Variants in NKAIN3 observed in about 807,000 individuals in gnomAD.
NKAIN3 encodes the protein sodium/potassium transporting ATPase interacting 3, also known as sodium/potassium-transporting ATPase subunit beta-1-interacting protein 3.
In NKAIN3, 25 loss-of-function variants were observed where a neutral mutation model predicts 30.2. The ratio of observed to expected loss-of-function variants is 0.83; its 90% confidence interval spans 0.60 to 1.16. The LOEUF is 1.16. NKAIN3 is among the 50% of genes most tolerant of loss of function. NKAIN3 has a pLI of 0.00. For missense variants in NKAIN3, 225 were observed against 254.1 expected, an observed-to-expected ratio of 0.89 and a Z score of 0.78; for synonymous variants, 91 against 89.6, an observed-to-expected ratio of 1.02 and a Z score of -0.09.
At chr8:62,333,486 T>A (rs1368718294) in intron 1 of NKAIN3, among the ~76,000 whole-genome samples, 1 of 152,114 alleles carries the variant, frequency 6.6e-6, no homozygotes, top group African/African-American at 2.4e-5. Context: ...TGAGGTTTAA[T>A]GTCAATTAAG....
At chr8:62,666,878 T>A (rs1813120740) in intron 3 of NKAIN3, among the ~76,000 whole-genome samples, 1 of 152,146 alleles carries the variant, frequency 6.6e-6, no homozygotes, top group South Asian at 2.1e-4. Flanking sequence ...TGATTGAATG[T>A]CATCACTGCC....
chr8:62,936,756 T>C (rs973525618), intron 5 of NKAIN3, among the ~76,000 whole-genome samples: 1 of 152,148 alleles, frequency 6.6e-6, no homozygotes, highest in Non-Finnish European at 1.5e-5. Flanking sequence ...CCCCATAAAA[T>C]TCTGTCCTAA....
At chr8:62,838,139 G>A (rs2130755327) in intron 4 of NKAIN3, among the ~76,000 whole-genome samples, 1 of 150,062 alleles carries the variant, frequency 6.7e-6, no homozygotes, top group African/African-American at 2.4e-5. Context: ...CTGTGTGTGT[G>A]TGTGTGTGTG....
intron 4 of NKAIN3, among the ~76,000 whole-genome samples, chr8:62,750,595 G>A (rs934431562): frequency 6.6e-6 from 1 of 152,082 alleles, no homozygotes; most frequent in East Asian, 1.9e-4. Flanking sequence ...GGGAGGCGGC[G>A]GGGGGTGCCA....
intron 1 of NKAIN3, among the ~76,000 whole-genome samples, chr8:62,426,323 A>G (rs1306553835): frequency 1.3e-5 from 2 of 151,996 alleles, no homozygotes; most frequent in Non-Finnish European, 2.9e-5. Flanking sequence ...GCCTTACCAG[A>G]AAATCACTCC....
At chr8:62,345,811 GA>G (rs1351899964) in intron 1 of NKAIN3, among the ~76,000 whole-genome samples, 1 of 151,524 alleles carries the variant, frequency 6.6e-6, no homozygotes, top group South Asian at 2.1e-4. Context: ...CTGTGTTGAA[GA>G]AAAATAAAAC....
intron 4 of NKAIN3, chr8:62,855,912 T>A: frequency 1.3e-6 from 1 of 760,494 alleles, no homozygotes; most frequent in Non-Finnish European, 2.5e-6. Flanking sequence ...GCGGGGTGTG[T>A]ATCTGCGTGA....
At chr8:62,410,554 G>A (rs569081791) in intron 1 of NKAIN3, among the ~76,000 whole-genome samples, 1 of 152,130 alleles carries the variant, frequency 6.6e-6, no homozygotes, top group South Asian at 2.1e-4. Flanking sequence ...CAAAAGATCA[G>A]TGAAACCAAG....
intron 4 of NKAIN3, among the ~76,000 whole-genome samples, chr8:62,799,418 C>A (rs1419691054): frequency 6.6e-6 from 1 of 152,056 alleles, no homozygotes; most frequent in African/African-American, 2.4e-5. Context: ...AGAAGATATA[C>A]AAATAGCCAA....
chr8:62,474,857 G>T (rs190520371), intron 1 of NKAIN3, among the ~76,000 whole-genome samples: 1 of 151,894 alleles, frequency 6.6e-6, no homozygotes, highest in Admixed American at 6.6e-5. Flanking sequence ...CAAATGAAAG[G>T]GTAAATATAA....
At chr8:62,387,553 A>G (rs2351660) in intron 1 of NKAIN3, among the ~76,000 whole-genome samples, 49,840 of 152,106 alleles carry the variant, frequency 0.33, 9,672 homozygotes, top group South Asian at 0.45. Context: ...TACATAAGAC[A>G]TATGAAAGAA....
At chr8:62,759,747 A>C (rs1816584560) in intron 4 of NKAIN3, among the ~76,000 whole-genome samples, 1 of 152,120 alleles carries the variant, frequency 6.6e-6, no homozygotes, top group Non-Finnish European at 1.5e-5. Context: ...CAATGGCAAC[A>C]AAAGCCAAAA....
chr8:62,321,723 G>T (rs1814919780), intron 1 of NKAIN3, among the ~76,000 whole-genome samples: 1 of 152,108 alleles, frequency 6.6e-6, no homozygotes, highest in Non-Finnish European at 1.5e-5. Context: ...GCTGTGTGAG[G>T]TGTCAGTCTG....
At chr8:62,942,261 CATATATATACAT>C (rs1157508614) in intron 5 of NKAIN3, among the ~76,000 whole-genome samples, 4 of 144,122 alleles carry the variant, frequency 2.8e-5, no homozygotes, top group African/African-American at 7.6e-5. Context: ...TATATATACA[CATATATATACAT>C]ATATATATAC....
intron 6 of NKAIN3, among the ~76,000 whole-genome samples, chr8:62,960,834 G>A (rs1823551682): frequency 6.6e-6 from 1 of 151,928 alleles, no homozygotes; most frequent in African/African-American, 2.4e-5. Flanking sequence ...TCTGCCTTGA[G>A]GGCAGTTACC....
At chr8:62,703,410 G>A (rs568930206) in intron 3 of NKAIN3, among the ~76,000 whole-genome samples, 2 of 152,110 alleles carry the variant, frequency 1.3e-5, no homozygotes, top group Admixed American at 6.5e-5. Context: ...TTTCCTGTAT[G>A]TACCATTAAA....
At chr8:62,281,774 G>A (rs1813203083) in intron 1 of NKAIN3, among the ~76,000 whole-genome samples, 1 of 152,036 alleles carries the variant, frequency 6.6e-6, no homozygotes, top group South Asian at 2.1e-4. Flanking sequence ...GTAAACTTAT[G>A]CATGTTTGTC....
chr8:62,421,794 A>G (rs1174998197), intron 1 of NKAIN3, among the ~76,000 whole-genome samples: 1 of 152,112 alleles, frequency 6.6e-6, no homozygotes, highest in African/African-American at 2.4e-5. Context: ...ATGAGGTTTT[A>G]TAAGAACCTC....
At chr8:62,867,246 C>CT (rs1289766210) in intron 4 of NKAIN3, among the ~76,000 whole-genome samples, 12 of 152,038 alleles carry the variant, frequency 7.9e-5, no homozygotes, top group Admixed American at 3.3e-4. Context: ...CATTTCACTG[C>CT]TACATCATGT....
Sources: allele counts gnomAD v4.1 joint callset (sites outside exome capture counted in the v4.1 genomes callset), GRCh38; gene constraint gnomAD v4.1.1; transcripts MANE v1.5; gene names NCBI Gene and HGNC (gene_info 2026-07-23, HGNC 2026-07-21).